MSRB2: variants seen among roughly 807,000 people sequenced by gnomAD.
MSRB2 encodes methionine-R-sulfoxide reductase B2, mitochondrial.
Under a neutral mutation model 19.0 loss-of-function variants are expected in MSRB2, and 17 were observed. The observed-to-expected ratio is 0.89, with a 90% confidence interval of 0.61 to 1.34. The LOEUF (loss-of-function observed/expected upper bound fraction) is 1.34, where lower values mean the gene tolerates loss of function less well. Among genes scored for constraint, MSRB2 ranks in the 40% most tolerant of loss-of-function variants. The pLI, the probability that MSRB2 is intolerant of heterozygous loss-of-function variation, is 0.00. For synonymous variants in MSRB2, 107 were observed against 99.7 expected (o/e 1.07, Z -0.44); for missense variants, 208 against 237.6 (o/e 0.88, Z 0.82).
chr10:23,114,995 A>C (rs1840095617), intron 3 of MSRB2, among the ~76,000 whole-genome samples: 1 of 152,132 alleles, frequency 6.6e-6, no homozygotes, highest in Admixed American at 6.5e-5. Flanking sequence ...CAGCCAGTGT[A>C]ACTCATGAGT....
chr10:23,119,023 C>T, intron 3 of MSRB2: 1 of 551,102 alleles, frequency 1.8e-6, no homozygotes. Context: ...CAACACAGTT[C>T]ACAAAACACC....
At chr10:23,105,242 G>GTA (rs1839974436) in intron 2 of MSRB2, among the ~76,000 whole-genome samples, 1 of 148,510 alleles carries the variant, frequency 6.7e-6, no homozygotes, top group Non-Finnish European at 1.5e-5. Context: ...GTGTGTGTGT[G>GTA]TATACAAGTT....
chr10:23,114,480 A>G (rs1840089321), intron 3 of MSRB2, among the ~76,000 whole-genome samples: 2 of 152,182 alleles, frequency 1.3e-5, no homozygotes, highest in South Asian at 2.1e-4. Context: ...TCACCCTCCA[A>G]TAAGGAGCTA....
At chr10:23,095,805 G>C (rs1415474354) in intron 1 of MSRB2, 79 bp downstream of exon 1, 1 of 959,222 alleles carries the variant, frequency 1.0e-6, no homozygotes, top group East Asian at 3.4e-5. Context: ...GGGAGCCTAG[G>C]GCCGGTCCAG....
At chr10:23,095,802 T>G in intron 1 of MSRB2, 76 bp downstream of exon 1, 1 of 1,041,284 alleles carries the variant, frequency 9.6e-7, no homozygotes, top group Non-Finnish European at 1.2e-6. Context: ...CCCGGGAGCC[T>G]AGGGCCGGTC....
chr10:23,108,475 C>CTT (rs566565955), intron 2 of MSRB2, among the ~76,000 whole-genome samples: 1,630 of 129,224 alleles, frequency 0.013, 26 homozygotes, highest in Middle Eastern at 0.033. Flanking sequence ...GAAACTTCCT[C>CTT]TTTTTTTTTT....
At chr10:23,117,654 G>C (rs1840126607) in intron 3 of MSRB2, among the ~76,000 whole-genome samples, 2 of 152,124 alleles carry the variant, frequency 1.3e-5, no homozygotes, top group South Asian at 4.1e-4. Flanking sequence ...TCTGTTGACT[G>C]ATCTCCACTC....
chr10:23,095,588 A>G lies in MSRB2; in HGVS notation c.-21A>G. On this transcript the variant is annotated 5_prime_UTR_variant, in exon 1 of 5. Transcript: ENST00000376510. ...GAGACGGGCAGAGGGCAGAGGGCGG[A>G]GCGGCGCCGGAGCGGGCGTCATGGC... 4.1e-6 allele frequency: 6 copies of G among 1,469,146 alleles called. No individual in the cohort carries two copies. Among genetic ancestry groups the G allele is most frequent in the Non-Finnish European group, 5.4e-6 (6 of 1,114,332 alleles). The allele number at this position is 1,469,146 out of a possible 1,614,324, so 91.0% of individuals were successfully genotyped here. A position where few individuals can be genotyped will look rare whatever the true frequency, so the allele number is the denominator to read the frequency against.
chr10:23,100,782 G>A (rs953891083), intron 1 of MSRB2, among the ~76,000 whole-genome samples: 2 of 152,138 alleles, frequency 1.3e-5, no homozygotes, highest in Admixed American at 6.5e-5. Flanking sequence ...TGAGATTTGG[G>A]TAGGGACACA....
chr10:23,096,538 A>G (rs1051622174), intron 1 of MSRB2, among the ~76,000 whole-genome samples: 5 of 152,160 alleles, frequency 3.3e-5, no homozygotes, highest in African/African-American at 1.2e-4. Context: ...CGGTTGCCAG[A>G]CTGACCCACT....
chr10:23,115,281 A>G (rs1840099974), intron 3 of MSRB2, among the ~76,000 whole-genome samples: 1 of 152,178 alleles, frequency 6.6e-6, no homozygotes, highest in South Asian at 2.1e-4. Flanking sequence ...TTCTTCTTCT[A>G]CATGAGCCTA....
In MSRB2 at chr10:23,119,313, A is replaced by T; in HGVS notation, c.306A>T (p.Lys102Asn). 6.2e-7 allele frequency: 1 copy of T among 1,613,968 alleles called. No individual in the cohort carries two copies. The highest frequency in any genetic ancestry group is 8.5e-7 in the Non-Finnish European group (1 of 1,179,928). ...CCDSPLFSSE[K>N]KYCSGTGWPS... ...TTTATGTCTTCCACAGTTCTGAGAA[A>T]AAGTACTGCTCTGGCACTGGGTGGC... Residue 102 changes from lysine to asparagine, a missense_variant, in exon 4 of 5, where the codon AAA becomes AAT. Physicochemically the swap from Lys to Asn is moderately conservative, Grantham distance 94 (BLOSUM62 0). Coordinates refer to ENST00000376510, the MANE Select transcript of MSRB2 (RefSeq NM_012228.4).
intron 1 of MSRB2, among the ~76,000 whole-genome samples, chr10:23,095,955 A>T (rs947640974): frequency 2.0e-5 from 3 of 151,744 alleles, no homozygotes; most frequent in Non-Finnish European, 2.9e-5. Flanking sequence ...AAATGAACAA[A>T]TGATCCCCCT....
At chr10:23,113,029 G>A (rs530255111) in intron 3 of MSRB2, among the ~76,000 whole-genome samples, 5 of 152,348 alleles carry the variant, frequency 3.3e-5, no homozygotes, top group African/African-American at 1.2e-4. Context: ...TCCTGTTCAA[G>A]AGGAGTTTTA....
At chr10:23,100,873 G>C (rs1839919636) in intron 1 of MSRB2, among the ~76,000 whole-genome samples, 1 of 152,190 alleles carries the variant, frequency 6.6e-6, no homozygotes, top group African/African-American at 2.4e-5. Context: ...TAGTAAGTGT[G>C]ATGGTTTGGT....
At chr10:23,120,165 T>C (rs1055824463) in intron 4 of MSRB2, among the ~76,000 whole-genome samples, 3 of 152,154 alleles carry the variant, frequency 2.0e-5, no homozygotes, top group African/African-American at 7.2e-5. Flanking sequence ...ACCCTCCTTT[T>C]GCACCCTGCA....
intron 2 of MSRB2, among the ~76,000 whole-genome samples, chr10:23,109,437 G>A (rs898965919): frequency 9.9e-5 from 15 of 151,936 alleles, no homozygotes; most frequent in African/African-American, 3.1e-4. Flanking sequence ...CAGCTATTCG[G>A]GAGGCTGAGA....
rs367638197 is a variant in MSRB2, at chr10:23,104,217, C to A, written c.192C>A (p.Tyr64Ter). ...WQKKLTPEQF[Y>*]VTREKGTEPP... is the part of the protein sequence containing the mutation. ...AGAAACTAACCCCGGAGCAGTTCTA[C>A]GTCACAAGAGAAAAGGGAACGGAAC... The change falls in exon 2 of 5, where the codon TAC becomes TAA. Residue 64 changes from tyrosine (Y) to a stop codon, truncating the protein, a stop_gained. Coordinates refer to ENST00000376510, the MANE Select transcript of MSRB2 (RefSeq NM_012228.4). LOFTEE classifies it high-confidence loss of function. 3 of 1,613,728 alleles carry A rather than the reference C, an allele frequency of 1.9e-6. No homozygotes were observed. The highest frequency in any genetic ancestry group is 2.2e-5 in the South Asian group (2 of 91,036).
chr10:23,111,549 C>T (rs573209185), intron 3 of MSRB2, among the ~76,000 whole-genome samples: 7 of 152,272 alleles, frequency 4.6e-5, no homozygotes, highest in East Asian at 1.9e-4. Flanking sequence ...CTTGATGTTC[C>T]GGTTTCTGCA....
Sources: allele counts gnomAD v4.1 joint callset (sites outside exome capture counted in the v4.1 genomes callset), GRCh38; gene constraint gnomAD v4.1.1; transcripts MANE v1.5; gene names NCBI Gene and HGNC (gene_info 2026-07-23, HGNC 2026-07-21).